The following ACTN2 variants were observed in gnomAD, a reference collection of about 807,000 sequenced individuals.
ACTN2 encodes the protein alpha-actinin-2.
Under a neutral mutation model 113.8 loss-of-function variants are expected in ACTN2, and 39 were observed. The ratio of observed to expected loss-of-function variants is 0.34; its 90% CI spans 0.27 to 0.45. ACTN2 has a LOEUF of 0.45. Among genes scored for constraint, ACTN2 ranks in the 20% least tolerant of loss-of-function variants. The pLI, the probability that ACTN2 is intolerant of heterozygous loss-of-function variation, is 1.00. For missense variants in ACTN2, 992 were observed against 1,177.9 expected (o/e 0.84, Z 2.31); for synonymous variants, 429 against 444.1 (o/e 0.97, Z 0.43).
chr1:236,686,713 TACG>T lies in ACTN2; in HGVS notation c.45_47del (p.Asp15del), dbSNP rs771008376. 1.3e-6 allele frequency: 2 copies of T among 1,567,450 alleles called. No individual in the cohort carries two copies. The highest frequency in any genetic ancestry group is 5.0e-5 in the East Asian group (2 of 39,614). Reference sequence around the variant, plus strand: ...GCCCGGCGTGCAGTACAACTACGTGTACGACGAGGATGAGTACATGATCCAGGA... The same window carrying T: ...GCCCGGCGTGCAGTACAACTACGTGTACGAGGATGAGTACATGATCCAGGA... On this transcript the variant is annotated inframe_deletion, in exon 1 of 21. Coordinates refer to ENST00000366578, the MANE Select transcript of ACTN2 (RefSeq NM_001103.4).
At chr1:236,703,771 C>T (rs1484387684) in intron 1 of ACTN2, among the ~76,000 whole-genome samples, 13 of 151,746 alleles carry the variant, frequency 8.6e-5, no homozygotes, top group East Asian at 1.9e-4. Context: ...TCCACAGCTC[C>T]GAATGTTTGG....
At chr1:236,746,127 CT>C (rs1254442892) in intron 12 of ACTN2, among the ~76,000 whole-genome samples, 2 of 132,396 alleles carry the variant, frequency 1.5e-5, no homozygotes, top group African/African-American at 5.6e-5. Flanking sequence ...GATCAGGCCA[CT>C]GCACTCCAGC....
intron 1 of ACTN2, among the ~76,000 whole-genome samples, chr1:236,697,791 T>C (rs1657558939): frequency 6.7e-6 from 1 of 149,946 alleles, no homozygotes; most frequent in Non-Finnish European, 1.5e-5. Flanking sequence ...AGACAGAGTC[T>C]TTTACTCTGT....
At chr1:236,748,946 C>G (rs1448668060) in intron 13 of ACTN2, among the ~76,000 whole-genome samples, 178 bp from the exon 14 acceptor site, 1 of 152,152 alleles carries the variant, frequency 6.6e-6, no homozygotes, top group African/African-American at 2.4e-5. Context: ...CAGAAGGCAC[C>G]TCAGAGACCT....
chr1:236,720,097 A>C lies in ACTN2; in HGVS notation c.362-8A>C, dbSNP rs780432522. The C allele has an allele frequency of 6.3e-6, 10 of 1,588,772 alleles. No homozygotes were observed. The African/African-American group carries it at 1.3e-4, about 21-fold the overall frequency. On this transcript the variant is annotated splice_region_variant and splice_polypyrimidine_tract_variant and intron_variant, in intron 3 of 20. Transcript: ENST00000366578. ...CTTTACATTAATTTGTTGTTTTCTT[A>C]CCTGCAGAAATTGTTGATGGCAACG...
At chr1:236,697,093 TG>T (rs1158004346) in intron 1 of ACTN2, among the ~76,000 whole-genome samples, 2 of 152,210 alleles carry the variant, frequency 1.3e-5, no homozygotes, top group East Asian at 3.8e-4. Context: ...AAGGGGCTCT[TG>T]AGTTTTGTAG....
In ACTN2 at chr1:236,739,471, A is replaced by T. The variant is rs376335356; in HGVS notation, c.1046A>T (p.Gln349Leu). 3.7e-6 allele frequency: 6 copies of T among 1,614,072 alleles called. No homozygotes were observed. Among genetic ancestry groups the T allele is most frequent in the African/African-American group, 1.3e-5 (1 of 74,932 alleles). ...CTGGAGATCAACTTCAACACGCTGCAGACCAAGCTGCGGATCAGCAACCGT... is the reference window on the plus strand; with the variant it reads ...CTGGAGATCAACTTCAACACGCTGCTGACCAAGCTGCGGATCAGCAACCGT... ...CQLEINFNTL[Q>L]TKLRISNRPA... Residue 349 changes from glutamine to leucine, a missense_variant, in exon 10 of 21, where the codon CAG becomes CTG. By Grantham distance (113) the Gln-to-Leu change is moderately radical. Transcript: ENST00000366578.
intron 1 of ACTN2, among the ~76,000 whole-genome samples, chr1:236,705,325 A>G (rs1657793373): frequency 6.6e-6 from 1 of 152,236 alleles, no homozygotes; most frequent in South Asian, 2.1e-4. Flanking sequence ...GTATTAAAAT[A>G]CAATTCTCAA....
At chr1:236,706,176 T>C (rs1657818782) in intron 1 of ACTN2, among the ~76,000 whole-genome samples, 1 of 152,122 alleles carries the variant, frequency 6.6e-6, no homozygotes, top group African/African-American at 2.4e-5. Context: ...GTAGTTAAGT[T>C]TGACATGATA....
intron 1 of ACTN2, among the ~76,000 whole-genome samples, chr1:236,689,960 G>C (rs1368863304): frequency 6.6e-6 from 1 of 152,222 alleles, no homozygotes. Context: ...GGCTAGAGCA[G>C]ACCTTTTAAG....
At position 236,754,986 on chromosome 1, in the gene ACTN2, T is replaced by C. The variant is rs776433910; in HGVS notation, c.1975-33T>C. 1 of 1,613,852 alleles carries C rather than the reference T, an allele frequency of 6.2e-7. No homozygotes were observed. On this transcript the variant is annotated intron_variant, in intron 16 of 20. Coordinates refer to ENST00000366578, the MANE Select transcript of ACTN2 (RefSeq NM_001103.4). The surrounding 1 kb of genome is among the most constrained non-coding windows in gnomAD (Gnocchi z 4.9). ...TCCCTTAGAGGGCACTTCACTCTGCTTCTCTCTCTGCTTGCTCACTCGCCC... is the reference window on the plus strand; with the variant it reads ...TCCCTTAGAGGGCACTTCACTCTGCCTCTCTCTCTGCTTGCTCACTCGCCC...
intron 1 of ACTN2, among the ~76,000 whole-genome samples, chr1:236,713,206 T>A (rs1293558327): frequency 6.6e-6 from 1 of 151,442 alleles, no homozygotes; most frequent in Non-Finnish European, 1.5e-5. Flanking sequence ...ATCTCTAGGT[T>A]ATATATATTG....
chr1:236,752,452 C>T (rs1195741712), intron 15 of ACTN2, among the ~76,000 whole-genome samples: 7 of 128,902 alleles, frequency 5.4e-5, no homozygotes, highest in African/African-American at 1.8e-4. Flanking sequence ...GTCTTCCTAA[C>T]GAACACCCAA....
chr1:236,752,927 A>T (rs747715584), intron 15 of ACTN2, among the ~76,000 whole-genome samples: 14 of 152,080 alleles, frequency 9.2e-5, no homozygotes, highest in Admixed American at 1.3e-4. Context: ...GATTTTTGTT[A>T]AAGAAAACAA....
chr1:236,686,819 C>T lies in ACTN2; in HGVS notation c.126+20C>T. On this transcript the variant is annotated intron_variant, in intron 1 of 20. Coordinates refer to ENST00000366578, the MANE Select transcript of ACTN2 (RefSeq NM_001103.4). Reference sequence around the variant, plus strand: ...AGGAAGGTCAGCAGGGGCCCGCGGGCCGCCCGCGCGTGGTGGGGCCGGGTC... The same window carrying T: ...AGGAAGGTCAGCAGGGGCCCGCGGGTCGCCCGCGCGTGGTGGGGCCGGGTC... 6.8e-7 allele frequency: 1 copy of T among 1,465,400 alleles called. No homozygotes were observed. Among genetic ancestry groups the T allele is most frequent in the Admixed American group, 2.2e-5 (1 of 44,802 alleles). 90.8% of individuals were successfully genotyped at this position (1,465,400 alleles called of 1,614,324 possible).
chr1:236,752,914 A>G (rs961112735), intron 15 of ACTN2, among the ~76,000 whole-genome samples: 1 of 152,208 alleles, frequency 6.6e-6, no homozygotes, highest in Non-Finnish European at 1.5e-5. Flanking sequence ...TATAAAGCAA[A>G]TGGATTTTTG....
chr1:236,715,525 C>T (rs547427443), intron 1 of ACTN2, among the ~76,000 whole-genome samples: 81 of 151,932 alleles, frequency 5.3e-4, no homozygotes, highest in Non-Finnish European at 1.0e-3. Context: ...TACTACTAGC[C>T]ATATGTGGCT....
chr1:236,753,853 C>A, intron 15 of ACTN2, 94 bp from the exon 16 acceptor site: 4 of 1,144,594 alleles, frequency 3.5e-6, no homozygotes, highest in African/African-American at 1.6e-5. Flanking sequence ...TTCTCCACTC[C>A]CACCCCCACC....
intron 1 of ACTN2, among the ~76,000 whole-genome samples, chr1:236,712,906 CT>C (rs1658073867): frequency 7.3e-6 from 1 of 137,764 alleles, no homozygotes. Flanking sequence ...ATTATATGTT[CT>C]CTCCATCAGT....
Sources: gnomAD v4.1 joint callset for allele counts (sites outside exome capture counted in the v4.1 genomes callset) on GRCh38, gnomAD v4.1.1 for gene constraint, Gnocchi (gnomAD v3.1) non-coding constraint, MANE v1.5 for transcripts, NCBI Gene and HGNC (gene_info 2026-07-23, HGNC 2026-07-21) for gene names.